PWWP2A: variants seen among roughly 807,000 people sequenced by gnomAD.
The protein encoded by PWWP2A is PWWP domain containing 2A.
Under a neutral mutation model 48.5 loss-of-function variants are expected in PWWP2A, and 18 were observed. The observed-to-expected ratio is 0.37, with a 90% CI of 0.26 to 0.55. The LOEUF (loss-of-function observed/expected upper bound fraction) is 0.55, where lower values mean the gene tolerates loss of function less well. Among genes scored for constraint, PWWP2A ranks in the 20% least tolerant of loss-of-function variants. The probability of loss-of-function intolerance (pLI) is 0.81; values close to 1 mark genes in which losing one functional copy is unlikely to be tolerated. For missense variants in PWWP2A, 867 were observed against 976.4 expected, an observed-to-expected ratio of 0.89 and a Z score of 1.49; for synonymous variants, 396 against 387.7, an observed-to-expected ratio of 1.02 and a Z score of -0.25.
intron 4 of PWWP2A, among the ~76,000 whole-genome samples, chr5:160,064,273 TACCTC>T (rs891765453): frequency 6.6e-6 from 1 of 152,136 alleles, no homozygotes; most frequent in Non-Finnish European, 1.5e-5. Flanking sequence ...CCATCCTATA[TACCTC>T]ACCCAAGTCG....
chr5:160,080,628 G>A (rs1273096299), intron 3 of PWWP2A: 2 of 1,509,880 alleles, frequency 1.3e-6, no homozygotes, highest in Non-Finnish European at 1.8e-6. Flanking sequence ...TTCACTTTGT[G>A]GCAGGGCTTA....
At chr5:160,064,603 C>T (rs557469731) in intron 4 of PWWP2A, among the ~76,000 whole-genome samples, 1 of 152,252 alleles carries the variant, frequency 6.6e-6, no homozygotes, top group South Asian at 2.1e-4. Flanking sequence ...GTTGGTTTTC[C>T]CAGAACTCAC....
chr5:160,075,176 G>A (rs1235696499), downstream of PWWP2A, among the ~76,000 whole-genome samples: 3 of 152,086 alleles, frequency 2.0e-5, no homozygotes, highest in Non-Finnish European at 2.9e-5. Context: ...AATCTTCCCT[G>A]GTTCTCCCTG....
At position 160,079,651 on chromosome 5, in the gene PWWP2A, C is replaced by G. The variant is rs1298680889; in HGVS notation, c.1669+1000G>C. Among the ~76,000 whole-genome samples, 2 of 152,120 alleles carry G rather than the reference C, an allele frequency of 1.3e-5. 1 individual carries two copies. The highest frequency in any genetic ancestry group is 3.9e-4 in the East Asian group (2 of 5,192). On this transcript the variant is annotated intron_variant, in intron 3 of 3. Transcript: ENST00000456329. ...ATTCCATTTCCTTCTATTTATGACT[C>G]AATATTTGGCTTCAATTTTAGTGAG... is the stretch of plus-strand genomic sequence containing the variant.
At chr5:160,089,788 A>G (rs899992833), downstream of PWWP2A, 4 of 985,270 alleles carry the variant, frequency 4.1e-6, no homozygotes, top group Middle Eastern at 1.0e-3. Context: ...GTTTACTCCC[A>G]CTCCAAGGGG....
At chr5:160,073,346 A>T (rs150614971), downstream of PWWP2A, among the ~76,000 whole-genome samples, 2 of 150,846 alleles carry the variant, frequency 1.3e-5, no homozygotes, top group African/African-American at 4.9e-5. Context: ...CTCCTGCCTC[A>T]GCCTCCCGAG....
intron 2 of PWWP2A, among the ~76,000 whole-genome samples, chr5:160,084,678 G>C (rs1340315236): frequency 6.6e-6 from 1 of 152,060 alleles, no homozygotes; most frequent in Non-Finnish European, 1.5e-5. Flanking sequence ...TGATGCTCCT[G>C]CCTCGGTCTC....
downstream of PWWP2A, among the ~76,000 whole-genome samples, chr5:160,088,838 TTAAGG>T (rs1362473628): frequency 6.6e-6 from 1 of 152,216 alleles, no homozygotes; most frequent in East Asian, 1.9e-4. Flanking sequence ...AATTATAGAC[TTAAGG>T]TATTTCCAAT....
chr5:160,118,411 A>G (rs1758348520), intron 1 of PWWP2A, among the ~76,000 whole-genome samples: 1 of 151,548 alleles, frequency 6.6e-6, no homozygotes, highest in Non-Finnish European at 1.5e-5. Flanking sequence ...CTCGCAAGCA[A>G]TGCCCCCCGC....
intron 1 of PWWP2A, chr5:160,113,333 A>C (rs1757784340): frequency 1.0e-6 from 1 of 983,222 alleles, no homozygotes; most frequent in African/African-American, 1.7e-5. Flanking sequence ...AAATAATGCA[A>C]AAAATAATAA....
At chr5:160,066,694 G>A (rs1268334242) in intron 3 of PWWP2A, 3 of 152,216 alleles carry the variant, frequency 2.0e-5, no homozygotes, top group African/African-American at 2.4e-5. Context: ...GATAGAAAGT[G>A]TTAAAGTAAT....
At chr5:160,105,682 G>A in intron 1 of PWWP2A, 1 of 978,998 alleles carries the variant, frequency 1.0e-6, no homozygotes, top group Non-Finnish European at 1.2e-6. Flanking sequence ...AGGTGCTAAT[G>A]AGAGAAAGAG....
the PWWP2A span, among the ~76,000 whole-genome samples, chr5:160,051,839 T>C: frequency 6.6e-6 from 1 of 152,260 alleles, no homozygotes; most frequent in African/African-American, 2.4e-5. Context: ...CTGTCTGATA[T>C]TTCGCTGGTG....
chr5:160,116,505 C>T (rs1758157435), intron 1 of PWWP2A, among the ~76,000 whole-genome samples: 1 of 152,140 alleles, frequency 6.6e-6, no homozygotes, highest in Non-Finnish European at 1.5e-5. Context: ...CCTTTCACTT[C>T]AGAATATTCA....
chr5:160,080,723 C>A, exon 3 of PWWP2A: 1 of 1,573,310 alleles, frequency 6.4e-7, no homozygotes, highest in Non-Finnish European at 8.6e-7. Flanking sequence ...TGTAAGGGAG[C>A]AGCAGGACTC....
At chr5:160,051,490 G>A in the PWWP2A span, among the ~76,000 whole-genome samples, 131 of 152,236 alleles carry the variant, frequency 8.6e-4, 1 homozygote, top group Non-Finnish European at 6.0e-4. Flanking sequence ...CACCAACCTC[G>A]ATTTCAGATA....
chr5:160,109,821 T>TTATATATATATATATATATATATAA (rs1561699019), intron 1 of PWWP2A, among the ~76,000 whole-genome samples: 1 of 86,778 alleles, frequency 1.2e-5, no homozygotes, highest in Non-Finnish European at 2.2e-5. Context: ...AATAATATAA[T>TTATATATATATATATATATATATAA]AATATATATA....
At chr5:160,061,245 G>A (rs1753383635), downstream of PWWP2A, among the ~76,000 whole-genome samples, 1 of 152,214 alleles carries the variant, frequency 6.6e-6, no homozygotes, top group Admixed American at 6.5e-5. Context: ...ATGGCCTTTG[G>A]TGCCTGGTTC....
chr5:160,086,583 GGT>G (rs545142647), downstream of PWWP2A, among the ~76,000 whole-genome samples: 1,032 of 151,784 alleles, frequency 6.8e-3, 12 homozygotes, highest in African/African-American at 0.024. Flanking sequence ...GTTTGCTATT[GGT>G]GTGTTTTTAA....
Sources: gnomAD v4.1 joint callset for allele counts (sites outside exome capture counted in the v4.1 genomes callset) on GRCh38, gnomAD v4.1.1 for gene constraint, MANE v1.5 for transcripts, NCBI Gene and HGNC (gene_info 2026-07-23, HGNC 2026-07-21) for gene names.